Variants in DTNB observed in about 807,000 individuals in gnomAD.
DTNB encodes the protein DTN-B.
DTNB carries 63 observed loss-of-function variants against 90.7 expected under a neutral mutation model. The observed-to-expected ratio is 0.69, with a 90% CI of 0.57 to 0.86. DTNB has a LOEUF of 0.86. DTNB is among the 40% of genes least tolerant of loss of function. The pLI is 0.00. For synonymous variants in DTNB, 277 were observed against 286.7 expected, an observed-to-expected ratio of 0.97 and a Z score of 0.34; for missense variants, 744 against 807.1, an observed-to-expected ratio of 0.92 and a Z score of 0.95.
chr2:25,381,573 G>A (rs2037781664), intron 19 of DTNB, among the ~76,000 whole-genome samples: 1 of 152,074 alleles, frequency 6.6e-6, no homozygotes, highest in Admixed American at 6.6e-5. Context: ...ATGGGGTCTT[G>A]CTATGTTGCC....
intron 16 of DTNB, among the ~76,000 whole-genome samples, chr2:25,401,577 C>T (rs962322890): frequency 1.3e-5 from 2 of 152,228 alleles, no homozygotes; most frequent in African/African-American, 4.8e-5. Context: ...TGATGCCTGG[C>T]ACTTAGTAGG....
At chr2:25,408,619 T>TA (rs2045874648) in intron 16 of DTNB, among the ~76,000 whole-genome samples, 1 of 151,342 alleles carries the variant, frequency 6.6e-6, no homozygotes, top group Non-Finnish European at 1.5e-5. Flanking sequence ...AATAGCCTTC[T>TA]ACTTTTCTTT....
chr2:25,601,624 G>T (rs1186485173), intron 5 of DTNB, among the ~76,000 whole-genome samples: 3 of 151,920 alleles, frequency 2.0e-5, no homozygotes, highest in Non-Finnish European at 4.4e-5. Flanking sequence ...CAGATGAAAG[G>T]GCTGTTTAGA....
intron 4 of DTNB, among the ~76,000 whole-genome samples, chr2:25,625,551 A>ATTT (rs66586812): frequency 1.3e-3 from 96 of 73,802 alleles, no homozygotes; most frequent in African/African-American, 1.7e-3. Flanking sequence ...TAACTCACTC[A>ATTT]TTTTTTTTTT....
chr2:25,465,853 T>C (rs2061681337), intron 10 of DTNB, among the ~76,000 whole-genome samples: 1 of 152,212 alleles, frequency 6.6e-6, no homozygotes, highest in African/African-American at 2.4e-5. Flanking sequence ...TATTCTTTAT[T>C]ATATTATAAA....
chr2:25,378,371 G>C (rs1017489987), intron 20 of DTNB, among the ~76,000 whole-genome samples: 1 of 152,240 alleles, frequency 6.6e-6, no homozygotes, highest in African/African-American at 2.4e-5. Context: ...ACAATCCAGA[G>C]TCAGCGCAGG....
At chr2:25,457,409 G>T (rs535060989) in intron 10 of DTNB, among the ~76,000 whole-genome samples, 1 of 152,146 alleles carries the variant, frequency 6.6e-6, no homozygotes, top group Non-Finnish European at 1.5e-5. Flanking sequence ...TTTAGAGACT[G>T]CAGTCAGGAT....
At chr2:25,497,109 C>T (rs1350109410) in intron 9 of DTNB, among the ~76,000 whole-genome samples, 1 of 152,188 alleles carries the variant, frequency 6.6e-6, no homozygotes, top group Non-Finnish European at 1.5e-5. Flanking sequence ...GAAGGGTCTT[C>T]TCTACAAGGT....
chr2:25,653,861 AAGAGGGAAGAT>A (rs934490815), intron 1 of DTNB, among the ~76,000 whole-genome samples: 23 of 152,190 alleles, frequency 1.5e-4, no homozygotes, highest in African/African-American at 4.8e-4. Flanking sequence ...GGAGTGTGGG[AAGAGGGAAGAT>A]GCCGTTCGTT....
At chr2:25,655,778 A>T (rs1457350679) in intron 1 of DTNB, among the ~76,000 whole-genome samples, 2 of 152,170 alleles carry the variant, frequency 1.3e-5, no homozygotes, top group African/African-American at 4.8e-5. Flanking sequence ...GCCTGACAGC[A>T]CCTGAGAGCT....
At chr2:25,612,611 T>C (rs1456790563) in intron 4 of DTNB, among the ~76,000 whole-genome samples, 4 of 150,856 alleles carry the variant, frequency 2.7e-5, no homozygotes, top group African/African-American at 9.7e-5. Context: ...AACAGAAAAA[T>C]AGAGAAAAAT....
intron 2 of DTNB, among the ~76,000 whole-genome samples, chr2:25,650,527 G>A (rs1045342488): frequency 2.0e-5 from 3 of 152,202 alleles, no homozygotes; most frequent in African/African-American, 4.8e-5. Flanking sequence ...GAAGTAACAC[G>A]CAAGGCATGT....
intron 2 of DTNB, among the ~76,000 whole-genome samples, chr2:25,646,287 C>T (rs2079427618): frequency 6.6e-6 from 1 of 151,922 alleles, no homozygotes; most frequent in South Asian, 2.1e-4. Context: ...ACCAGCCTGA[C>T]CAACATGGTG....
Position 25,560,514 on chromosome 2 carries a change from C to T in DTNB, c.876+16324G>A, listed in dbSNP as rs148143913. Among the ~76,000 whole-genome samples the T allele has an allele frequency of 1.3e-3, 201 of 151,808 alleles. 3 individuals are homozygous for T. The East Asian group carries it at 0.032, about 24-fold the overall frequency. On this transcript the variant is annotated intron_variant, in intron 8 of 20. Transcript: ENST00000406818. Reference sequence around the variant, plus strand: ...GTCTTCAAACGTCTGCCTTTGGACCCAAACTGAAAGATCAACTCTTTCTAG... The same window carrying T: ...GTCTTCAAACGTCTGCCTTTGGACCTAAACTGAAAGATCAACTCTTTCTAG...
At chr2:25,419,823 C>T (rs991720147) in intron 15 of DTNB, among the ~76,000 whole-genome samples, 2 of 152,134 alleles carry the variant, frequency 1.3e-5, no homozygotes, top group Non-Finnish European at 2.9e-5. Context: ...TCAAACAGGC[C>T]TAGAGGGCCT....
intron 13 of DTNB, among the ~76,000 whole-genome samples, chr2:25,433,620 G>A (rs2054687005): frequency 6.6e-6 from 1 of 152,050 alleles, no homozygotes; most frequent in Non-Finnish European, 1.5e-5. Flanking sequence ...GGGAAGCAGA[G>A]TGGAAAACGC....
intron 11 of DTNB, among the ~76,000 whole-genome samples, chr2:25,455,171 A>G (rs1249083958): frequency 1.3e-5 from 2 of 152,250 alleles, no homozygotes; most frequent in African/African-American, 4.8e-5. Flanking sequence ...AGTGAACCCC[A>G]CTTTAAAGGA....
chr2:25,592,060 CAAAAAAAAA>C (rs1162292627), intron 6 of DTNB, among the ~76,000 whole-genome samples: 1 of 48,996 alleles, frequency 2.0e-5, no homozygotes, highest in African/African-American at 5.8e-5. Context: ...GACTCCATCT[CAAAAAAAAA>C]AAAAAAAAAA....
chr2:25,541,474 C>T (rs867083665), intron 8 of DTNB, among the ~76,000 whole-genome samples: 6 of 151,602 alleles, frequency 4.0e-5, no homozygotes, highest in African/African-American at 1.2e-4. Context: ...GGCAAGACTC[C>T]GTCTCAAAAA....
Sources: allele counts gnomAD v4.1 joint callset (sites outside exome capture counted in the v4.1 genomes callset), GRCh38; gene constraint gnomAD v4.1.1; transcripts MANE v1.5; gene names NCBI Gene and HGNC (gene_info 2026-07-23, HGNC 2026-07-21).